DNAI3: variants seen among roughly 807,000 people sequenced by gnomAD.
DNAI3 encodes the protein dynein axonemal intermediate chain 3.
Under a neutral mutation model 115.5 loss-of-function variants are expected in DNAI3, and 83 were observed. The ratio of observed to expected loss-of-function variants is 0.72; its 90% CI spans 0.60 to 0.86. The LOEUF (loss-of-function observed/expected upper bound fraction) is 0.86. Ranked by LOEUF, DNAI3 falls within the 40% of genes least tolerant of loss-of-function variation. DNAI3 has a pLI of 0.00. For synonymous variants in DNAI3, 320 were observed against 347.0 expected (o/e 0.92, Z 0.86); for missense variants, 1,004 against 1,075.8 (o/e 0.93, Z 0.93).
chr1:85,093,711 A>G (rs1002991683), intron 9 of DNAI3, 63 bp downstream of exon 9: 39 of 1,601,544 alleles, frequency 2.4e-5, no homozygotes, highest in Non-Finnish European at 3.3e-5. Context: ...TTGCTTTCAT[A>G]TGTAAAATTG....
chr1:85,126,833 T>A (rs966867109), intron 20 of DNAI3, 118 bp downstream of exon 20: 4 of 897,286 alleles, frequency 4.5e-6, no homozygotes, highest in Non-Finnish European at 1.7e-6. Context: ...TTCCTGCTCA[T>A]CCCTTCTTAT....
chr1:85,087,185 C>T (rs937501675), intron 7 of DNAI3, among the ~76,000 whole-genome samples: 1 of 152,024 alleles, frequency 6.6e-6, no homozygotes, highest in Non-Finnish European at 1.5e-5. Context: ...CGCCTTTAAT[C>T]CCAGCACTTT....
Position 85,130,113 on chromosome 1 carries a change from G to T in DNAI3, c.2532+1G>T, listed in dbSNP as rs1291270194. ...ACTAGAAATGGCAAAGAAAAAAGTT[G>T]TAAGTTAAATTTCAGAAATGAAAGA... On this transcript the variant is annotated splice_donor_variant, in intron 22 of 22. Transcript: ENST00000294664. LOFTEE classifies it high-confidence loss of function. 6.2e-7 allele frequency: 1 copy of T among 1,613,170 alleles called. No individual in the cohort carries two copies. The highest frequency in any genetic ancestry group is 1.7e-5 in the Admixed American group (1 of 59,870).
chr1:85,084,426 G>C, intron 5 of DNAI3, 120 bp from the exon 6 acceptor site: 1 of 734,696 alleles, frequency 1.4e-6, no homozygotes, highest in East Asian at 4.4e-5. Flanking sequence ...ACAAAAAAAA[G>C]TAAAAAGGTG....
At chr1:85,072,133 A>T (rs1017507371) in intron 2 of DNAI3, 128 bp downstream of exon 2, 17 of 888,158 alleles carry the variant, frequency 1.9e-5, no homozygotes, top group Non-Finnish European at 2.9e-5. Context: ...CAAATGTATG[A>T]GGAATAAGAT....
rs138656469 is a variant in DNAI3, at chr1:85,096,925, T to G, written c.1264-644T>G. On this transcript the variant is annotated intron_variant, in intron 11 of 22. Coordinates refer to ENST00000294664, the MANE Select transcript of DNAI3 (RefSeq NM_145172.5). ...CCTTTTTCACTCATTACAAAGGTAA[T>G]GTGACTTTATTTTAGAATATTTCAG... is the stretch of plus-strand genomic sequence containing the variant. Among the ~76,000 whole-genome samples, 337 of 152,316 alleles carry G rather than the reference T, an allele frequency of 2.2e-3. 1 individual carries two copies. Among genetic ancestry groups the G allele is most frequent in the African/African-American group, 7.9e-3 (327 of 41,562 alleles).
chr1:85,084,491 A>T (rs373460647), intron 5 of DNAI3, 55 bp from the exon 6 acceptor site: 1 of 911,688 alleles, frequency 1.1e-6, no homozygotes, highest in African/African-American at 1.8e-5. Flanking sequence ...TATATATATA[A>T]AGCTATAACC....
At chr1:85,087,110 C>T (rs183198501) in intron 7 of DNAI3, among the ~76,000 whole-genome samples, 1 of 152,156 alleles carries the variant, frequency 6.6e-6, no homozygotes, top group Admixed American at 6.5e-5. Context: ...CAGATCTCTG[C>T]TCAAATGAGG....
chr1:85,083,859 T>C (rs1654705124), intron 5 of DNAI3, among the ~76,000 whole-genome samples: 2 of 152,078 alleles, frequency 1.3e-5, no homozygotes, highest in Admixed American at 1.3e-4. Context: ...TTTTACACTT[T>C]ACCATATATT....
intron 1 of DNAI3, among the ~76,000 whole-genome samples, chr1:85,067,514 T>C (rs1169896361): frequency 2.6e-5 from 4 of 152,224 alleles, no homozygotes; most frequent in Non-Finnish European, 5.9e-5. Flanking sequence ...TGGGGGATGA[T>C]TGTAAACTGA....
rs547787400 is a variant in DNAI3 at position 85,084,546 on chromosome 1, C to T, written c.391C>T (p.Pro131Ser). 3.5e-5 allele frequency: 50 copies of T among 1,417,474 alleles called. 1 individual carries two copies. Among genetic ancestry groups the T allele is most frequent in the Admixed American group, 1.3e-4 (5 of 39,700 alleles). The allele number at this position is 1,417,474 out of a possible 1,614,324, so 87.8% of individuals were successfully genotyped here. Reference sequence around the variant, plus strand: ...TAGAATGCTATTTATTTTACTTTAGCCCCCAGAAGTACCAGAAGAACAAGA... The same window carrying T: ...TAGAATGCTATTTATTTTACTTTAGTCCCCAGAAGTACCAGAAGAACAAGA... Reference protein sequence around the residue: ...TEEGKENYLNPPEVPEEQEEY... With the variant: ...TEEGKENYLNSPEVPEEQEEY... Residue 131 changes from proline (P) to serine (S), a missense_variant and splice_region_variant, in exon 6 of 23, where the codon CCC becomes TCC. This residue lies in a region of DNAI3 where 550 missense variants were observed against 568.1 expected (regional missense o/e 0.97). Transcript: ENST00000294664.
intron 1 of DNAI3, among the ~76,000 whole-genome samples, chr1:85,066,024 C>G (rs1287459872): frequency 6.6e-6 from 1 of 152,180 alleles, no homozygotes; most frequent in Non-Finnish European, 1.5e-5. Context: ...ACACTTTTGT[C>G]AACCTCTAAT....
intron 17 of DNAI3, among the ~76,000 whole-genome samples, chr1:85,119,356 A>G (rs548637525): frequency 6.6e-6 from 1 of 152,268 alleles, no homozygotes; most frequent in African/African-American, 2.4e-5. Context: ...TTCCCTACCC[A>G]CTTGTAACCA....
intron 15 of DNAI3, 132 bp downstream of exon 15, chr1:85,108,309 G>A: frequency 9.8e-7 from 1 of 1,020,394 alleles, no homozygotes; most frequent in Non-Finnish European, 1.3e-6. Context: ...TACAATTTGT[G>A]TTTATTCAAC....
chr1:85,092,378 T>C (rs1655004877), intron 8 of DNAI3, among the ~76,000 whole-genome samples: 1 of 152,244 alleles, frequency 6.6e-6, no homozygotes, highest in African/African-American at 2.4e-5. Flanking sequence ...TATATTGAAC[T>C]ATCTAAAGGA....
intron 1 of DNAI3, among the ~76,000 whole-genome samples, chr1:85,064,560 T>C (rs1654035060): frequency 6.6e-6 from 1 of 152,184 alleles, no homozygotes; most frequent in Non-Finnish European, 1.5e-5. Context: ...GATGTTAGTC[T>C]TGGGTTTTAT....
chr1:85,117,107 A>C (rs1655846357), intron 16 of DNAI3, among the ~76,000 whole-genome samples: 1 of 152,054 alleles, frequency 6.6e-6, no homozygotes, highest in African/African-American at 2.4e-5. Context: ...ATGAGCATAT[A>C]TTTCTCTACC....
intron 8 of DNAI3, among the ~76,000 whole-genome samples, chr1:85,092,625 C>T (rs72720582): frequency 0.14 from 20,856 of 152,038 alleles, 1,920 homozygotes; most frequent in Non-Finnish European, 0.18. Flanking sequence ...AACCAAGGTC[C>T]CTAGACTATT....
At chr1:85,076,648 C>T (rs1162133538) in intron 3 of DNAI3, among the ~76,000 whole-genome samples, 1 of 152,084 alleles carries the variant, frequency 6.6e-6, no homozygotes, top group African/African-American at 2.4e-5. Context: ...CTTTATAAAA[C>T]CATCAGGTCT....
Sources: gnomAD v4.1 joint callset for allele counts (sites outside exome capture counted in the v4.1 genomes callset) on GRCh38, gnomAD v4.1.1 for gene constraint, gnomAD v4.1.1 regional missense constraint, MANE v1.5 for transcripts, NCBI Gene and HGNC (gene_info 2026-07-23, HGNC 2026-07-21) for gene names.